Variants in CFAP46 observed in about 807,000 individuals in gnomAD.
CFAP46 encodes cilia- and flagella-associated protein 46.
CFAP46 carries 245 observed loss-of-function variants against 325.7 expected under a neutral mutation model. The ratio of observed to expected loss-of-function variants is 0.75; its 90% CI spans 0.68 to 0.84. The LOEUF is 0.84. Ranked by LOEUF, CFAP46 falls within the 40% of genes least tolerant of loss-of-function variation. CFAP46 has a pLI of 0.00. For missense variants in CFAP46, 3,346 were observed against 3,543.0 expected, an observed-to-expected ratio of 0.94 and a Z score of 1.41; for synonymous variants, 1,523 against 1,495.9, an observed-to-expected ratio of 1.02 and a Z score of -0.42.
At chr10:132,810,310 A>T in intron 57 of CFAP46, 99 bp downstream of exon 57, 1 of 982,156 alleles carries the variant, frequency 1.0e-6, no homozygotes, top group Non-Finnish European at 1.6e-6. Context: ...GGAGAAGCGG[A>T]GACACCTGTC....
intron 22 of CFAP46, among the ~76,000 whole-genome samples, chr10:132,903,648 A>G (rs1004526269): frequency 6.6e-6 from 1 of 152,236 alleles, no homozygotes; most frequent in Non-Finnish European, 1.5e-5. Context: ...CAAGTTTTAC[A>G]GTTTTTCTTT....
Position 132,917,495 on chromosome 10 carries a change from G to A in CFAP46, c.1987-813C>T, listed in dbSNP as rs376541144. 3.4e-4 allele frequency among the ~76,000 whole-genome samples: 52 copies of A among 152,352 alleles called. 1 individual carries two copies. The highest frequency in any genetic ancestry group is 3.4e-3 in the Middle Eastern group (1 of 294). ...CCTGCGTGGGAGGAACAGGCCTGGC[G>A]GCCCCATCACAGGGACCCTGGACAT... On this transcript the variant is annotated intron_variant, in intron 16 of 57. Transcript: ENST00000368586.
At chr10:132,916,973 G>A (rs924298632) in intron 16 of CFAP46, among the ~76,000 whole-genome samples, 2 of 152,192 alleles carry the variant, frequency 1.3e-5, no homozygotes, top group African/African-American at 2.4e-5. Context: ...GTGGCTTCCC[G>A]GTATCAGCAG....
intron 44 of CFAP46, among the ~76,000 whole-genome samples, chr10:132,843,328 C>G (rs1368713053): frequency 4.0e-4 from 49 of 121,708 alleles, no homozygotes; most frequent in East Asian, 1.6e-3. Flanking sequence ...TGGGGCTGCT[C>G]CTGGTGGGCA....
At chr10:132,861,366 A>G (rs1848719075) in intron 35 of CFAP46, among the ~76,000 whole-genome samples, 1 of 152,070 alleles carries the variant, frequency 6.6e-6, no homozygotes, top group African/African-American at 2.4e-5. Context: ...GCACAGCCCC[A>G]CTCTGGCTGG....
rs200473624 is a variant in CFAP46 at position 132,885,246 on chromosome 10, C to A, written c.3484G>T (p.Gly1162Trp). 48 of 1,549,950 alleles carry A rather than the reference C, an allele frequency of 3.1e-5. No individual in the cohort carries two copies. Among genetic ancestry groups the A allele is most frequent in the East Asian group, 7.3e-5 (3 of 40,902 alleles). The stretch of plus-strand genomic sequence containing the variant: ...TGTATTTCCATCGAAAAATTCTGCC[C>A]GAGCTTGGCCTTCACGATGACCATG... ...KHMVIVKAKL[G>W]QNFSMEIQKF... The change falls in exon 27 of 58, where the codon GGG becomes TGG. Residue 1162 changes from glycine (G) to tryptophan (W), a missense_variant. Coordinates refer to ENST00000368586, the MANE Select transcript of CFAP46 (RefSeq NM_001200049.3).
At chr10:132,841,271 C>T (rs1448276116) in intron 44 of CFAP46, among the ~76,000 whole-genome samples, 1 of 152,178 alleles carries the variant, frequency 6.6e-6, no homozygotes, top group Non-Finnish European at 1.5e-5. Context: ...TGAGACATTC[C>T]CACTTGAAAA....
At chr10:132,928,774 T>C (rs1400382543) in intron 9 of CFAP46, among the ~76,000 whole-genome samples, 2 of 152,224 alleles carry the variant, frequency 1.3e-5, no homozygotes, top group Non-Finnish European at 2.9e-5. Context: ...CCTGATAAAC[T>C]GATCACATTT....
chr10:132,917,877 T>C (rs143776264), intron 16 of CFAP46, among the ~76,000 whole-genome samples: 2,145 of 149,982 alleles, frequency 0.014, 37 homozygotes, highest in African/African-American at 0.05. Context: ...ACCTCAGCAT[T>C]GATAAGCCCC....
At chr10:132,858,163 C>CA (rs1848670022) in intron 38 of CFAP46, among the ~76,000 whole-genome samples, 1 of 152,192 alleles carries the variant, frequency 6.6e-6, no homozygotes, top group African/African-American at 2.4e-5. Context: ...TTCCCTCGCG[C>CA]AGGCTTCTAC....
At chr10:132,937,488 T>C in intron 6 of CFAP46, 64 bp downstream of exon 6, 1 of 1,601,150 alleles carries the variant, frequency 6.2e-7, no homozygotes, top group South Asian at 1.1e-5. Flanking sequence ...TCTACGCAGT[T>C]TTCTGAACAA....
chr10:132,824,522 C>T (rs1337143834), intron 50 of CFAP46, among the ~76,000 whole-genome samples: 3 of 89,466 alleles, frequency 3.4e-5, no homozygotes, highest in Non-Finnish European at 4.2e-5. Context: ...CTGATGTGTG[C>T]TGTGTGCTGA....
chr10:132,872,955 G>A (rs1007897112), intron 31 of CFAP46, 131 bp from the exon 32 acceptor site: 66 of 1,003,926 alleles, frequency 6.6e-5, no homozygotes, highest in East Asian at 1.1e-4. Context: ...TGCTCAGCGC[G>A]TGTCCGCACA....
rs150151203 is a variant in CFAP46 at position 132,934,776 on chromosome 10, C to T, written c.842G>A (p.Arg281His). The change falls in exon 8 of 58, where the codon CGC (arginine) becomes CAC (histidine). Residue 281 changes from arginine to histidine, a missense_variant. Transcript: ENST00000368586. ...CTTTTCTTCACTGATAGAGGGAAAG[C>T]GCTGGTGGTTGTAATGACCTAAGTG... ...YRHLGHYNHQ[R>H]FPSISEEKML... 8.1e-6 allele frequency: 13 copies of T among 1,607,552 alleles called. No homozygotes were observed. Among genetic ancestry groups the T allele is most frequent in the African/African-American group, 6.7e-5 (5 of 74,740 alleles).
At position 132,942,420 on chromosome 10, in the gene CFAP46, G is replaced by A; in HGVS notation, c.49+16C>T. ...GGGCCTCCCCGGGGCGGGGGTCGTG[G>A]CGGGCCTGGGGTCACCTTGCTGGCT... is the stretch of plus-strand genomic sequence containing the variant. On this transcript the variant is annotated intron_variant, in intron 1 of 57. Transcript: ENST00000368586. 7.4e-7 allele frequency: 1 copy of A among 1,360,022 alleles called. No individual in the cohort carries two copies. Among genetic ancestry groups the A allele is most frequent in the Non-Finnish European group, 9.4e-7 (1 of 1,063,858 alleles). The allele number at this position is 1,360,022 out of a possible 1,614,324, so 84.2% of individuals were successfully genotyped here. A position where few individuals can be genotyped will look rare whatever the true frequency, so the allele number is the denominator to read the frequency against.
chr10:132,907,220 C>A (rs1029328119), intron 22 of CFAP46, among the ~76,000 whole-genome samples: 1 of 152,264 alleles, frequency 6.6e-6, no homozygotes, highest in Non-Finnish European at 1.5e-5. Context: ...TTTCATCTTC[C>A]AGGATTATTA....
In CFAP46 at chr10:132,847,278, A is replaced by G; in HGVS notation, c.5996T>C (p.Val1999Ala). Residue 1999 changes from valine (V) to alanine (A), a missense_variant, in exon 42 of 58, where the codon GTA becomes GCA. Val to Ala is a moderately conservative substitution (Grantham distance 64). Coordinates refer to ENST00000368586, the MANE Select transcript of CFAP46 (RefSeq NM_001200049.3). This position sits in a 1 kb window ranked among gnomAD's most constrained non-coding sequence, Gnocchi z 5.2. ...GGACTTTGTGGCACCCTCTTCCTCTACCTCCAGCTCCAGAGACTTGAGGCC... is the reference window on the plus strand; with the variant it reads ...GGACTTTGTGGCACCCTCTTCCTCTGCCTCCAGCTCCAGAGACTTGAGGCC... ...LSGLKSLELE[V>A]EEEGATKSSR... is the part of the protein sequence containing the mutation. 6.2e-7 allele frequency: 1 copy of G among 1,612,866 alleles called. No homozygotes were observed. Among genetic ancestry groups the G allele is most frequent in the Non-Finnish European group, 8.5e-7 (1 of 1,179,832 alleles).
intron 57 of CFAP46, 144 bp from the exon 58 acceptor site, chr10:132,809,048 A>G: frequency 1.2e-6 from 1 of 859,328 alleles, no homozygotes; most frequent in Non-Finnish European, 1.8e-6. Flanking sequence ...CCAGGCCTCC[A>G]GGGCGCCCCC....
intron 44 of CFAP46, among the ~76,000 whole-genome samples, chr10:132,845,107 G>A (rs1019226493): frequency 1.4e-4 from 22 of 152,180 alleles, no homozygotes; most frequent in African/African-American, 5.1e-4. Context: ...CGCTTGCCAT[G>A]CACACCCTCC....
Sources: allele counts gnomAD v4.1 joint callset (sites outside exome capture counted in the v4.1 genomes callset), GRCh38; gene constraint gnomAD v4.1.1; non-coding constraint Gnocchi (gnomAD v3.1); transcripts MANE v1.5; gene names NCBI Gene and HGNC (gene_info 2026-07-23, HGNC 2026-07-21).